The following PPP1R16B variants were observed in gnomAD, a reference collection of about 807,000 sequenced individuals.
The protein encoded by PPP1R16B is protein phosphatase 1 regulatory subunit 16B.
Under a neutral mutation model 61.7 loss-of-function variants are expected in PPP1R16B, and 14 were observed. The observed-to-expected ratio is 0.23, with a 90% CI of 0.15 to 0.35. PPP1R16B has a LOEUF of 0.35. Ranked by LOEUF, PPP1R16B falls within the 10% of genes least tolerant of loss-of-function variation. PPP1R16B has a pLI of 1.00. For synonymous variants in PPP1R16B, 266 were observed against 305.3 expected (o/e 0.87, Z 1.34); for missense variants, 547 against 752.5 (o/e 0.73, Z 3.19).
rs753122696 is a variant in PPP1R16B, at chr20:38,908,044, G to A, written c.1045G>A (p.Ala349Thr). Residue 349 changes from alanine (A) to threonine (T), a missense_variant, in exon 10 of 11, where the codon GCC (alanine) becomes ACC (threonine). Transcript: ENST00000299824. ...AGSRGKVVRR[A>T]SLSDRTNLYR... Reference sequence around the variant, plus strand: ...TCCTCTCAGGAAGGTGGTGCGGCGAGCCAGCCTGTCGGACAGGACCAACCT... The same window carrying A: ...TCCTCTCAGGAAGGTGGTGCGGCGAACCAGCCTGTCGGACAGGACCAACCT... 4 of 1,614,222 alleles carry A rather than the reference G, an allele frequency of 2.5e-6. No individual in the cohort carries two copies. Among genetic ancestry groups the A allele is most frequent in the Non-Finnish European group, 3.4e-6 (4 of 1,180,042 alleles).
At chr20:38,863,456 C>T (rs1056346698) in intron 2 of PPP1R16B, among the ~76,000 whole-genome samples, 3 of 152,250 alleles carry the variant, frequency 2.0e-5, no homozygotes, top group African/African-American at 4.8e-5. Context: ...AAACTTTCCA[C>T]GTTTCCGTGT....
intron 1 of PPP1R16B, among the ~76,000 whole-genome samples, chr20:38,833,350 A>G (rs1028902045): frequency 1.3e-5 from 2 of 152,212 alleles, no homozygotes; most frequent in Admixed American, 6.5e-5. Context: ...TGTGGTTATG[A>G]ACTGAGGTGG....
intron 2 of PPP1R16B, among the ~76,000 whole-genome samples, chr20:38,887,670 C>T (rs939426836): frequency 2.0e-5 from 3 of 152,236 alleles, no homozygotes; most frequent in Admixed American, 2.0e-4. Context: ...TTCGTTTAAG[C>T]AGCCGTAATA....
intron 2 of PPP1R16B, among the ~76,000 whole-genome samples, chr20:38,888,271 A>T (rs1017913852): frequency 6.6e-6 from 1 of 152,136 alleles, no homozygotes; most frequent in African/African-American, 2.4e-5. Context: ...CAGCCTATGT[A>T]TCCTGTCTGC....
At chr20:38,890,887 G>A (rs1385089404) in intron 3 of PPP1R16B, among the ~76,000 whole-genome samples, 2 of 152,152 alleles carry the variant, frequency 1.3e-5, no homozygotes, top group East Asian at 1.9e-4. Flanking sequence ...GAATGGCCAC[G>A]CCCTGCCCGT....
chr20:38,810,144 C>T (rs947564043), intron 1 of PPP1R16B, among the ~76,000 whole-genome samples: 3 of 152,204 alleles, frequency 2.0e-5, no homozygotes, highest in African/African-American at 7.2e-5. Context: ...TTGAGCCCTT[C>T]AGTGACAGTT....
intron 1 of PPP1R16B, among the ~76,000 whole-genome samples, chr20:38,819,761 G>A (rs567636399): frequency 1.3e-5 from 2 of 152,094 alleles, no homozygotes; most frequent in Admixed American, 6.5e-5. Context: ...AGAATCTGTC[G>A]AGGTGGGACC....
intron 1 of PPP1R16B, among the ~76,000 whole-genome samples, chr20:38,813,668 T>G (rs1265847162): frequency 1.3e-5 from 2 of 152,066 alleles, no homozygotes; most frequent in African/African-American, 2.4e-5. Flanking sequence ...TTTCTTAATA[T>G]TCATCATAAT....
chr20:38,882,784 G>A (rs1317428936), intron 2 of PPP1R16B, among the ~76,000 whole-genome samples: 2 of 152,202 alleles, frequency 1.3e-5, no homozygotes, highest in African/African-American at 4.8e-5. Flanking sequence ...AGGCCTCCCA[G>A]AGGAGGTGAC....
chr20:38,905,620 G>A (rs1220340314), intron 6 of PPP1R16B, among the ~76,000 whole-genome samples: 1 of 152,160 alleles, frequency 6.6e-6, no homozygotes, highest in African/African-American at 2.4e-5. Context: ...TCTTTTAAAG[G>A]AAGATGTGTC....
chr20:38,854,141 A>T (rs2084987615), intron 2 of PPP1R16B, among the ~76,000 whole-genome samples: 1 of 152,142 alleles, frequency 6.6e-6, no homozygotes, highest in African/African-American at 2.4e-5. Context: ...GAACACTGTA[A>T]TTGGCTATTG....
intron 2 of PPP1R16B, among the ~76,000 whole-genome samples, chr20:38,854,130 C>G (rs1000930635): frequency 3.0e-4 from 46 of 152,134 alleles, no homozygotes; most frequent in African/African-American, 1.0e-3. Flanking sequence ...TCATGTTGCT[C>G]GAACACTGTA....
At chr20:38,911,002 A>G (rs1223961814) in intron 10 of PPP1R16B, among the ~76,000 whole-genome samples, 2 of 151,682 alleles carry the variant, frequency 1.3e-5, no homozygotes, top group African/African-American at 2.4e-5. Context: ...TCAAAACAAA[A>G]CAAAACAAAA....
chr20:38,851,846 C>A (rs974653261), intron 2 of PPP1R16B, among the ~76,000 whole-genome samples: 1 of 152,210 alleles, frequency 6.6e-6, no homozygotes, highest in East Asian at 1.9e-4. Flanking sequence ...CATATTGAGA[C>A]TGTATCTCTA....
At chr20:38,911,085 A>G (rs2085485117) in intron 10 of PPP1R16B, among the ~76,000 whole-genome samples, 2 of 151,542 alleles carry the variant, frequency 1.3e-5, no homozygotes, top group Non-Finnish European at 2.9e-5. Context: ...GGCTCAAATG[A>G]TCCTCTTGCC....
chr20:38,833,725 C>G (rs2084851869), intron 1 of PPP1R16B, among the ~76,000 whole-genome samples: 2 of 152,248 alleles, frequency 1.3e-5, no homozygotes, highest in Admixed American at 1.3e-4. Flanking sequence ...GGAGGTCACA[C>G]CCACTCAGAC....
Position 38,918,784 on chromosome 20 carries a change from A to G in PPP1R16B, c.*118A>G, listed in dbSNP as rs964466001. 2.4e-6 allele frequency: 3 copies of G among 1,227,656 alleles called. No homozygotes were observed. In the African/African-American group the frequency reaches 4.6e-5, roughly 19 times the overall value. The allele number at this position is 1,227,656 out of a possible 1,614,324, so 76.0% of individuals were successfully genotyped here. On this transcript the variant is annotated 3_prime_UTR_variant, in exon 11 of 11. Coordinates refer to ENST00000299824, the MANE Select transcript of PPP1R16B (RefSeq NM_015568.4). This position sits in a 1 kb window ranked among gnomAD's most constrained non-coding sequence, Gnocchi z 5.3. ...TGGGGAGAGGTGGGCTCTGCTTTTC[A>G]GAGGAACTCAGACCCCAGCCCTCAG...
At position 38,874,783 on chromosome 20, in the gene PPP1R16B, A is replaced by G. The variant is rs886617707; in HGVS notation, c.251-14812A>G. 2.0e-5 allele frequency among the ~76,000 whole-genome samples: 3 copies of G among 152,178 alleles called. No homozygotes were observed. In the East Asian group the frequency reaches 5.8e-4, roughly 29 times the overall value. ...CATACATTCTCATGGTGGAGCAAGC[A>G]TGGGTCAAGTGTGGGGGTATTGGAG... On this transcript the variant is annotated intron_variant, in intron 2 of 10. Coordinates refer to ENST00000299824, the MANE Select transcript of PPP1R16B (RefSeq NM_015568.4).
At chr20:38,905,768 G>C (rs1568683532) in intron 6 of PPP1R16B, among the ~76,000 whole-genome samples, 2 of 152,224 alleles carry the variant, frequency 1.3e-5, no homozygotes, top group South Asian at 4.1e-4. Context: ...CAGGGGAGAA[G>C]AATTCAGCTC....
Sources: gnomAD v4.1 joint callset for allele counts (sites outside exome capture counted in the v4.1 genomes callset) on GRCh38, gnomAD v4.1.1 for gene constraint, Gnocchi (gnomAD v3.1) non-coding constraint, MANE v1.5 for transcripts, NCBI Gene and HGNC (gene_info 2026-07-23, HGNC 2026-07-21) for gene names.